Variants in ST3GAL3 observed in about 807,000 individuals in gnomAD.
ST3GAL3 encodes the protein CMP-N-acetylneuraminate-beta-1,4-galactoside alpha-2,3-sialyltransferase.
ST3GAL3 carries 21 observed loss-of-function variants against 50.1 expected under a neutral mutation model. That is an observed-to-expected ratio of 0.42 (90% CI 0.30 to 0.60). The LOEUF is 0.60. Ranked by LOEUF, ST3GAL3 falls within the 20% of genes least tolerant of loss-of-function variation. The probability of loss-of-function intolerance (pLI) is 0.19; values close to 1 mark genes in which losing one functional copy is unlikely to be tolerated. For missense variants in ST3GAL3, 353 were observed against 489.4 expected, an observed-to-expected ratio of 0.72 and a Z score of 2.63; for synonymous variants, 183 against 190.0, an observed-to-expected ratio of 0.96 and a Z score of 0.30.
intron 9 of ST3GAL3, among the ~76,000 whole-genome samples, chr1:43,918,613 T>G (rs1482358146): frequency 1.3e-5 from 2 of 152,040 alleles, no homozygotes; most frequent in African/African-American, 4.8e-5. Flanking sequence ...TATATATAAT[T>G]GTTGTAATAA....
At chr1:43,729,089 C>CT (rs71914132) in intron 1 of ST3GAL3, among the ~76,000 whole-genome samples, 9,639 of 117,416 alleles carry the variant, frequency 0.082, 1,353 homozygotes, top group African/African-American at 0.27. Flanking sequence ...AATTATTTTT[C>CT]TTTTTTTTTT....
intron 2 of ST3GAL3, among the ~76,000 whole-genome samples, chr1:43,775,266 T>C (rs1218721581): frequency 6.6e-6 from 1 of 150,830 alleles, no homozygotes; most frequent in Non-Finnish European, 1.5e-5. Context: ...TGAGTCGCGC[T>C]CTTGTCACCC....
At chr1:43,875,041 C>T (rs1215250608) in intron 5 of ST3GAL3, among the ~76,000 whole-genome samples, 4 of 152,046 alleles carry the variant, frequency 2.6e-5, no homozygotes, top group African/African-American at 9.7e-5. Context: ...GTAGGAATTT[C>T]GATTTAATCA....
At chr1:43,862,396 C>T (rs1234723296) in intron 5 of ST3GAL3, among the ~76,000 whole-genome samples, 1 of 152,214 alleles carries the variant, frequency 6.6e-6, no homozygotes, top group African/African-American at 2.4e-5. Context: ...CTATCTTACC[C>T]TCCATCACCA....
chr1:43,709,563 T>G (rs1663523202), intron 1 of ST3GAL3: 1 of 151,968 alleles, frequency 6.6e-6, no homozygotes, highest in African/African-American at 2.4e-5. Context: ...ATTTTTTTTG[T>G]AGAGACAGGG....
intron 3 of ST3GAL3, among the ~76,000 whole-genome samples, chr1:43,805,922 A>G (rs749686644): frequency 2.8e-4 from 42 of 151,922 alleles, no homozygotes; most frequent in Non-Finnish European, 5.4e-4. Flanking sequence ...TTTTAGTAGA[A>G]ACGGGGTTTC....
At chr1:43,773,503 C>G (rs531997937) in intron 2 of ST3GAL3, among the ~76,000 whole-genome samples, 1 of 152,172 alleles carries the variant, frequency 6.6e-6, no homozygotes. Context: ...ATCCTGTTAA[C>G]TAGATTCCCC....
Position 43,797,516 on chromosome 1 carries a change from G to A in ST3GAL3, c.166+5367G>A, listed in dbSNP as rs541502385. On this transcript the variant is annotated intron_variant, in intron 3 of 11. Coordinates refer to ENST00000347631, the MANE Select transcript of ST3GAL3 (RefSeq NM_006279.5). ...AATGAAAAAATCAATATAATCCACCGTATTAACTGTCTAAAGAAAAAAAAC... is the reference window on the plus strand; with the variant it reads ...AATGAAAAAATCAATATAATCCACCATATTAACTGTCTAAAGAAAAAAAAC... Among the ~76,000 whole-genome samples the A allele has an allele frequency of 3.9e-5, 6 of 151,974 alleles. No homozygotes were observed. The East Asian group carries it at 5.8e-4, about 15-fold the overall frequency.
intron 2 of ST3GAL3, among the ~76,000 whole-genome samples, chr1:43,745,596 C>T (rs1049628169): frequency 3.3e-5 from 5 of 152,268 alleles, no homozygotes; most frequent in Admixed American, 6.5e-5. Flanking sequence ...ATTATAATAT[C>T]ATATTTTTAC....
intron 5 of ST3GAL3, among the ~76,000 whole-genome samples, chr1:43,885,514 G>A (rs933375779): frequency 6.6e-6 from 1 of 152,106 alleles, no homozygotes; most frequent in African/African-American, 2.4e-5. Context: ...TACCCCCTAG[G>A]CCAGGGCAAG....
chr1:43,726,526 ATCC>A (rs1672997151), intron 1 of ST3GAL3, among the ~76,000 whole-genome samples: 1 of 152,072 alleles, frequency 6.6e-6, no homozygotes. Context: ...GCCTCATGTG[ATCC>A]TCCTACCTTG....
At chr1:43,885,262 G>A (rs2075783056) in intron 5 of ST3GAL3, among the ~76,000 whole-genome samples, 2 of 152,182 alleles carry the variant, frequency 1.3e-5, no homozygotes, top group Non-Finnish European at 2.9e-5. Flanking sequence ...ACAGGGGTCA[G>A]ATCCACACTC....
intron 4 of ST3GAL3, among the ~76,000 whole-genome samples, chr1:43,828,013 T>C (rs2063046835): frequency 6.6e-6 from 1 of 152,102 alleles, no homozygotes; most frequent in Non-Finnish European, 1.5e-5. Context: ...AATAAAGCTA[T>C]CAAGATACAA....
intron 1 of ST3GAL3, among the ~76,000 whole-genome samples, chr1:43,731,296 C>T (rs1675663080): frequency 6.6e-6 from 1 of 152,064 alleles, no homozygotes; most frequent in East Asian, 1.9e-4. Flanking sequence ...ACTGCAACCT[C>T]CGCCTGCTGG....
intron 5 of ST3GAL3, chr1:43,857,987 T>G (rs2068933340): frequency 4.8e-6 from 2 of 415,988 alleles, no homozygotes; most frequent in Non-Finnish European, 8.3e-6. Context: ...AAATAGAAAT[T>G]TAAAAAGCAA....
chr1:43,880,944 G>A (rs111412132), intron 5 of ST3GAL3, among the ~76,000 whole-genome samples: 2,669 of 151,934 alleles, frequency 0.018, 85 homozygotes, highest in African/African-American at 0.061. Context: ...CGTTGATCAT[G>A]TATTTCATAA....
At position 43,812,260 on chromosome 1, in the gene ST3GAL3, G is replaced by T. The variant is rs559481620; in HGVS notation, c.167-2631G>T. Among the ~76,000 whole-genome samples the T allele has an allele frequency of 2.6e-5, 4 of 152,274 alleles. No individual in the cohort carries two copies. In the East Asian group the frequency reaches 7.7e-4, roughly 29 times the overall value. ...ATTCCTGGCTTGAAAAAAATCTGAA[G>T]ATGTGGTAATGCGGGGCCTGCGTTG... is the stretch of plus-strand genomic sequence containing the variant. On this transcript the variant is annotated intron_variant, in intron 3 of 11. Coordinates refer to ENST00000347631, the MANE Select transcript of ST3GAL3 (RefSeq NM_006279.5).
intron 3 of ST3GAL3, among the ~76,000 whole-genome samples, chr1:43,807,352 G>T (rs2060012174): frequency 6.6e-6 from 1 of 152,008 alleles, no homozygotes; most frequent in Admixed American, 6.6e-5. Flanking sequence ...GGGGGCAGAG[G>T]TTGCAGTGAG....
intron 2 of ST3GAL3, among the ~76,000 whole-genome samples, chr1:43,761,777 A>C (rs1004592432): frequency 5.3e-5 from 8 of 149,936 alleles, no homozygotes; most frequent in African/African-American, 1.2e-4. Flanking sequence ...AGTGAAACCC[A>C]GTCTCTACTA....
Sources: gnomAD v4.1 joint callset for allele counts (sites outside exome capture counted in the v4.1 genomes callset) on GRCh38, gnomAD v4.1.1 for gene constraint, MANE v1.5 for transcripts, NCBI Gene and HGNC (gene_info 2026-07-23, HGNC 2026-07-21) for gene names.